Variants in SLC9A7 observed in about 807,000 individuals in gnomAD.
SLC9A7 encodes sodium/hydrogen exchanger 7.
A neutral mutation model predicts 52.6 loss-of-function variants in SLC9A7; 19 were observed. The observed-to-expected ratio is 0.36, with a 90% CI of 0.25 to 0.53. The LOEUF (loss-of-function observed/expected upper bound fraction) is 0.53. Ranked by LOEUF, SLC9A7 falls within the 20% of genes least tolerant of loss-of-function variation. The pLI, the probability that SLC9A7 is intolerant of heterozygous loss-of-function variation, is 0.91. For synonymous variants in SLC9A7, 226 were observed against 252.1 expected (o/e 0.90, Z 0.98); for missense variants, 455 against 597.9 (o/e 0.76, Z 2.49).
At chrX:46,717,500 C>T (rs918122783) in intron 1 of SLC9A7, among the ~76,000 whole-genome samples, 3 of 111,365 alleles carry the variant, frequency 2.7e-5, no homozygotes, top group Admixed American at 9.5e-5. Context: ...CTGCCTCAGC[C>T]TCCTGAGAAG....
intron 5 of SLC9A7, among the ~76,000 whole-genome samples, chrX:46,668,752 G>A (rs945339169): frequency 2.7e-5 from 3 of 111,767 alleles, no homozygotes; most frequent in African/African-American, 9.8e-5. Flanking sequence ...TGCAGGGAAG[G>A]GGGACTGGGA....
At chrX:46,711,899 T>TACAC (rs57570264) in intron 1 of SLC9A7, among the ~76,000 whole-genome samples, 6,878 of 90,987 alleles carry the variant, frequency 0.076, 441 homozygotes, top group East Asian at 0.21. Context: ...GCCTCTAAAT[T>TACAC]ACACACACAC....
intron 1 of SLC9A7, among the ~76,000 whole-genome samples, chrX:46,733,419 CAAAG>C (rs1337877626): frequency 1.1e-4 from 12 of 111,741 alleles, no homozygotes; most frequent in Admixed American, 1.0e-3. Flanking sequence ...CAAAGCCACA[CAAAG>C]AAATTAAGAG....
intron 1 of SLC9A7, among the ~76,000 whole-genome samples, chrX:46,692,040 C>A (rs1260423361): frequency 9.0e-6 from 1 of 111,253 alleles, no homozygotes; most frequent in Non-Finnish European, 1.9e-5. Flanking sequence ...ATCTTTGTGG[C>A]ACTGTAGATT....
At chrX:46,622,854 G>A (rs934371114) in intron 14 of SLC9A7, among the ~76,000 whole-genome samples, 2 of 112,147 alleles carry the variant, frequency 1.8e-5, no homozygotes, top group African/African-American at 3.2e-5. Context: ...CTCAGGCTAC[G>A]GAAAGATATG....
At chrX:46,695,282 T>A (rs766259811) in intron 1 of SLC9A7, among the ~76,000 whole-genome samples, 1 of 113,025 alleles carries the variant, frequency 8.8e-6, no homozygotes, top group African/African-American at 3.2e-5. Flanking sequence ...TTTCCAGTAC[T>A]AGTGTTCCAT....
chrX:46,654,986 T>TTTC, intron 7 of SLC9A7, among the ~76,000 whole-genome samples: 1 of 64,355 alleles, frequency 1.6e-5, no homozygotes, highest in Non-Finnish European at 4.1e-5. Flanking sequence ...TTCTTTCTTT[T>TTTC]TTTTTTTTTT....
rs1942745005 is a variant in SLC9A7 at position 46,606,472 on chromosome X, T to C, written c.*480A>G. The C allele has an allele frequency of 2.6e-6, 2 of 758,827 alleles. No homozygotes were observed. The highest frequency in any genetic ancestry group is 1.6e-6 in the Non-Finnish European group (1 of 642,178). 62.5% of individuals were successfully genotyped at this position (758,827 alleles called of 1,213,427 possible). A position where few individuals can be genotyped will look rare whatever the true frequency, so the allele number is the denominator to read the frequency against. On this transcript the variant is annotated 3_prime_UTR_variant, in exon 17 of 17. Coordinates refer to ENST00000616978, the MANE Select transcript of SLC9A7 (RefSeq NM_001257291.2). ...CTCCAAATTGCTTTTTCATGTTTTC[T>C]GTCCCATTTAACACCAAGTTTCCCA...
intron 11 of SLC9A7, among the ~76,000 whole-genome samples, chrX:46,645,442 C>G (rs1344281512): frequency 9.0e-6 from 1 of 111,612 alleles, no homozygotes; most frequent in Non-Finnish European, 1.9e-5. Context: ...AAACCAGCAG[C>G]AGTGGCAGCT....
intron 1 of SLC9A7, among the ~76,000 whole-genome samples, chrX:46,736,993 A>G (rs1002666367): frequency 9.0e-6 from 1 of 111,715 alleles, no homozygotes; most frequent in African/African-American, 3.3e-5. Context: ...ATCCTCCTCC[A>G]AACACAATGC....
In SLC9A7 at chrX:46,605,354, G is replaced by C. The variant is rs1942727918; in HGVS notation, c.*1598C>G. 1.8e-5 allele frequency: 2 copies of C among 111,480 alleles called. No homozygotes were observed. The highest frequency in any genetic ancestry group is 3.8e-5 in the Non-Finnish European group (2 of 53,135). 9.2% of individuals were successfully genotyped at this position (111,480 alleles called of 1,213,427 possible). On this transcript the variant is annotated 3_prime_UTR_variant, in exon 17 of 17. Coordinates refer to ENST00000616978, the MANE Select transcript of SLC9A7 (RefSeq NM_001257291.2). ...GGTCTTTCTGTATTTCAGCACTACA[G>C]GTGTGGGCAGACAGAACAGCTCATC...
intron 15 of SLC9A7, among the ~76,000 whole-genome samples, chrX:46,615,833 G>T (rs1205014658): frequency 9.1e-6 from 1 of 110,288 alleles, no homozygotes; most frequent in Non-Finnish European, 1.9e-5. Context: ...ATAAACTTTA[G>T]TCTGAGGCTT....
intron 1 of SLC9A7, among the ~76,000 whole-genome samples, chrX:46,731,462 T>C (rs1406224694): frequency 4.6e-5 from 3 of 64,550 alleles, no homozygotes; most frequent in Non-Finnish European, 8.2e-5. Context: ...ATTAGCCAGG[T>C]GTGGTGGTGT....
In SLC9A7 at chrX:46,663,642, A is replaced by G. The variant is rs867193413; in HGVS notation, c.794-999T>C. On this transcript the variant is annotated intron_variant, in intron 5 of 16. Coordinates refer to ENST00000616978, the MANE Select transcript of SLC9A7 (RefSeq NM_001257291.2). ...AACAAGAGTGAAACTCCATCTCAAAAAAAAAAAAAAAAAAAAGGAAAGAAA... is the reference window on the plus strand; with the variant it reads ...AACAAGAGTGAAACTCCATCTCAAAGAAAAAAAAAAAAAAAAGGAAAGAAA... Among the ~76,000 whole-genome samples, 498 of 99,576 alleles carry G rather than the reference A, an allele frequency of 5.0e-3. 2 individuals carry two copies. The highest frequency in any genetic ancestry group is 0.018 in the African/African-American group (476 of 26,898). 86.5% of individuals were successfully genotyped at this position (99,576 alleles called of 115,157 possible). A position where few individuals can be genotyped will look rare whatever the true frequency, so the allele number is the denominator to read the frequency against.
rs777241728 is a variant in SLC9A7, at chrX:46,616,517, T to C, written c.1824-3123A>G. On this transcript the variant is annotated intron_variant, in intron 15 of 16. Transcript: ENST00000616978. Reference sequence around the variant, plus strand: ...AGTCAGAAGAGAACCCTTGAGTATCTTGCCAAATAAAAGATCTTTTCTTTT... The same window carrying C: ...AGTCAGAAGAGAACCCTTGAGTATCCTGCCAAATAAAAGATCTTTTCTTTT... Among the ~76,000 whole-genome samples the C allele has an allele frequency of 3.1e-3, 345 of 111,745 alleles. 3 individuals are homozygous for C. Among genetic ancestry groups the C allele is most frequent in the African/African-American group, 0.011 (331 of 30,842 alleles).
chrX:46,636,342 A>G (rs1185288328), intron 12 of SLC9A7, among the ~76,000 whole-genome samples: 1 of 110,986 alleles, frequency 9.0e-6, no homozygotes, highest in Non-Finnish European at 1.9e-5. Context: ...CAGCATTGAC[A>G]TTTTGGGTCA....
Position 46,755,825 on chromosome X carries a change from A to G in SLC9A7, c.325+2880T>C, listed in dbSNP as rs1383714022. On this transcript the variant is annotated intron_variant, in intron 1 of 16. Transcript: ENST00000616978. ...CGACAGAGTGAGACTCCGTCTTGGA[A>G]AAAAAAAAAAAAAAAAGCTATTACA... is the stretch of plus-strand genomic sequence containing the variant. 1.4e-3 allele frequency among the ~76,000 whole-genome samples: 36 copies of G among 26,275 alleles called. No individual in the cohort carries two copies. The East Asian group carries it at 0.027, about 20-fold the overall frequency. 22.8% of individuals were successfully genotyped at this position (26,275 alleles called of 115,157 possible). A position where few individuals can be genotyped will look rare whatever the true frequency, so the allele number is the denominator to read the frequency against.
chrX:46,703,943 T>C (rs974683120), intron 1 of SLC9A7, among the ~76,000 whole-genome samples: 3 of 112,138 alleles, frequency 2.7e-5, no homozygotes, highest in African/African-American at 9.7e-5. Context: ...AGAGGAAAGA[T>C]AGGACTTAAC....
chrX:46,705,865 T>C (rs1944596953), intron 1 of SLC9A7, among the ~76,000 whole-genome samples: 1 of 110,771 alleles, frequency 9.0e-6, no homozygotes, highest in Admixed American at 9.6e-5. Context: ...ATCCCTACAT[T>C]ATCCCATATT....
Sources: allele counts gnomAD v4.1 joint callset (sites outside exome capture counted in the v4.1 genomes callset), GRCh38; gene constraint gnomAD v4.1.1; transcripts MANE v1.5; gene names NCBI Gene and HGNC (gene_info 2026-07-23, HGNC 2026-07-21).